LVRN: variants seen among roughly 807,000 people sequenced by gnomAD.
LVRN encodes laeverin, also known as aminopeptidase Q.
In LVRN, 99 loss-of-function variants were observed where a neutral mutation model predicts 111.4. The ratio of observed to expected loss-of-function variants is 0.89; its 90% CI spans 0.76 to 1.05. The LOEUF is 1.05. Among genes scored for constraint, LVRN ranks in the 50% least tolerant of loss-of-function variants. The probability of loss-of-function intolerance (pLI) is 0.00; values close to 1 mark genes in which losing one functional copy is unlikely to be tolerated. For missense variants in LVRN, 1,414 were observed against 1,206.8 expected, an observed-to-expected ratio of 1.17 and a Z score of -2.54; for synonymous variants, 488 against 449.5, an observed-to-expected ratio of 1.09 and a Z score of -1.08.
chr5:115,987,408 A>T (rs1747891512), intron 3 of LVRN, among the ~76,000 whole-genome samples: 1 of 152,206 alleles, frequency 6.6e-6, no homozygotes, highest in Admixed American at 6.5e-5. Flanking sequence ...TATGTACCAT[A>T]CTATATAACC....
At chr5:115,997,775 GA>G (rs1748148298) in intron 6 of LVRN, among the ~76,000 whole-genome samples, 1 of 152,094 alleles carries the variant, frequency 6.6e-6, no homozygotes, top group African/African-American at 2.4e-5. Context: ...GCAGTAGCTA[GA>G]TAGTTTTTTT....
chr5:115,999,986 T>C lies in LVRN; in HGVS notation c.1515+84T>C, dbSNP rs1408294210. On this transcript the variant is annotated intron_variant, in intron 7 of 19. Transcript: ENST00000357872. ...GGATTCTAAGGGTCCTATATCATCA[T>C]ACAACTTAAAACATTTTATGAAAAT... 6.4e-6 allele frequency: 9 copies of C among 1,397,756 alleles called. No individual in the cohort carries two copies. In the Admixed American group the frequency reaches 1.6e-4, roughly 25 times the overall value. 86.6% of individuals were successfully genotyped at this position (1,397,756 alleles called of 1,614,324 possible). A position where few individuals can be genotyped will look rare whatever the true frequency, so the allele number is the denominator to read the frequency against.
At chr5:116,010,091 G>C (rs184378375) in intron 13 of LVRN, among the ~76,000 whole-genome samples, 1 of 152,184 alleles carries the variant, frequency 6.6e-6, no homozygotes, top group Non-Finnish European at 1.5e-5. Context: ...CCACCACCCT[G>C]ATCAGTTAGC....
At chr5:116,006,055 TTAGTC>T in intron 13 of LVRN, 88 bp downstream of exon 13, 1 of 1,133,624 alleles carries the variant, frequency 8.8e-7, no homozygotes, top group Non-Finnish European at 1.3e-6. Context: ...ATTTGATTAT[TTAGTC>T]TATACAGGCC....
Position 116,026,351 on chromosome 5 carries a change from G to A in LVRN, c.*233G>A. On this transcript the variant is annotated 3_prime_UTR_variant, in exon 20 of 20. Coordinates refer to ENST00000357872, the MANE Select transcript of LVRN (RefSeq NM_173800.5). ...TCTGGGAAAGATGTCACTTCATGTT[G>A]GGTTATAATCCCACAGAATTTACTT... is the stretch of plus-strand genomic sequence containing the variant. 1 of 526,860 alleles carries A rather than the reference G, an allele frequency of 1.9e-6. No homozygotes were observed. Among genetic ancestry groups the A allele is most frequent in the Non-Finnish European group, 3.3e-6 (1 of 299,140 alleles). 32.6% of individuals were successfully genotyped at this position (526,860 alleles called of 1,614,324 possible). A position where few individuals can be genotyped will look rare whatever the true frequency, so the allele number is the denominator to read the frequency against.
At chr5:115,970,364 G>A (rs1406279307) in intron 1 of LVRN, among the ~76,000 whole-genome samples, 1 of 150,190 alleles carries the variant, frequency 6.7e-6, no homozygotes, top group Non-Finnish European at 1.5e-5. Context: ...TCGTTCAGTA[G>A]AATTACTTTG....
chr5:115,962,818 G>T lies in LVRN; in HGVS notation c.201G>T (p.Thr67=), dbSNP rs1316890359. The T allele has an allele frequency of 6.2e-7, 1 of 1,611,914 alleles. No individual in the cohort carries two copies. Among genetic ancestry groups the T allele is most frequent in the Non-Finnish European group, 8.5e-7 (1 of 1,179,146 alleles). The change falls in exon 1 of 20, where the codon ACG becomes ACT. Residue 67 remains threonine, a synonymous_variant. Transcript: ENST00000357872. ...CCCCTCCCCTCAGGCAGAAGCCGAC[G>T]CCAACCCCGAAACCCAGCAGTGCAC... ...ESSPPLRQKP[T]PTPKPSSARE...
intron 18 of LVRN, among the ~76,000 whole-genome samples, chr5:116,019,593 T>G (rs1748671282): frequency 2.6e-5 from 4 of 152,272 alleles, no homozygotes; most frequent in Admixed American, 2.6e-4. Flanking sequence ...TTGAATAATC[T>G]ACTTCTTATT....
At chr5:116,018,405 C>T (rs1748644016) in intron 18 of LVRN, among the ~76,000 whole-genome samples, 1 of 151,944 alleles carries the variant, frequency 6.6e-6, no homozygotes, top group African/African-American at 2.4e-5. Flanking sequence ...TCCGGTGGCT[C>T]ACGCCTGTAA....
chr5:116,020,513 AT>A (rs545745792), intron 18 of LVRN, among the ~76,000 whole-genome samples: 1 of 152,054 alleles, frequency 6.6e-6, no homozygotes, highest in African/African-American at 2.4e-5. Flanking sequence ...TAAGCACTTG[AT>A]TTTTTTTCTC....
At chr5:115,985,172 G>A (rs1005562380) in intron 3 of LVRN, among the ~76,000 whole-genome samples, 27 of 152,158 alleles carry the variant, frequency 1.8e-4, no homozygotes, top group African/African-American at 6.5e-4. Context: ...CAACTGCTAT[G>A]GCTGAAATGG....
At position 116,026,445 on chromosome 5, in the gene LVRN, A is replaced by G. The variant is rs1748869051; in HGVS notation, c.*327A>G. On this transcript the variant is annotated 3_prime_UTR_variant, in exon 20 of 20. Coordinates refer to ENST00000357872, the MANE Select transcript of LVRN (RefSeq NM_173800.5). ...ATTTTGTTGCGAAGGCCAGTGGAAT[A>G]TAAAAATCAATGGCATTAATGAGGA... 2.9e-6 allele frequency: 1 copy of G among 344,314 alleles called. No homozygotes were observed. Among genetic ancestry groups the G allele is most frequent in the South Asian group, 2.7e-5 (1 of 37,470 alleles). The allele number at this position is 344,314 out of a possible 1,614,324, so 21.3% of individuals were successfully genotyped here. A position where few individuals can be genotyped will look rare whatever the true frequency, so the allele number is the denominator to read the frequency against.
At chr5:115,973,396 T>A (rs1753369163) in intron 1 of LVRN, among the ~76,000 whole-genome samples, 1 of 152,264 alleles carries the variant, frequency 6.6e-6, no homozygotes, top group Admixed American at 6.5e-5. Context: ...CCAATTTTGA[T>A]GTCAAAGTAA....
rs186135267 is a variant in LVRN at position 115,970,835 on chromosome 5, T to G, written c.695+7523T>G. ...TGTTTACAAATAAAGCTTCCAGGAA[T>G]ACTCATATACAAGTCTTTTTATCAA... is the stretch of plus-strand genomic sequence containing the variant. On this transcript the variant is annotated intron_variant, in intron 1 of 19. Coordinates refer to ENST00000357872, the MANE Select transcript of LVRN (RefSeq NM_173800.5). Among the ~76,000 whole-genome samples the G allele has an allele frequency of 4.8e-3, 737 of 152,368 alleles. 5 individuals are homozygous for G. The highest frequency in any genetic ancestry group is 6.8e-3 in the Middle Eastern group (2 of 292).
Position 116,012,223 on chromosome 5 carries a change from A to G in LVRN, c.2248-151A>G, listed in dbSNP as rs115331204. 1,766 of 531,238 alleles carry G rather than the reference A, an allele frequency of 3.3e-3. 25 individuals are homozygous for G. The highest frequency in any genetic ancestry group is 0.031 in the African/African-American group (1,540 of 49,632). The allele number at this position is 531,238 out of a possible 1,614,324, so 32.9% of individuals were successfully genotyped here. On this transcript the variant is annotated intron_variant, in intron 14 of 19. Transcript: ENST00000357872. The stretch of plus-strand genomic sequence containing the variant: ...ACCGAAAGAGGTTAAAAAATAAACC[A>G]GTTATATATTTAGTAACAGATAAAG...
intron 1 of LVRN, among the ~76,000 whole-genome samples, chr5:115,983,069 T>C (rs1747748359): frequency 6.6e-6 from 1 of 152,166 alleles, no homozygotes; most frequent in Non-Finnish European, 1.5e-5. Context: ...TTTTGTGGTT[T>C]AAAAGTAAAG....
At position 116,005,934 on chromosome 5, in the gene LVRN, T is replaced by G. The variant is rs1357044996; in HGVS notation, c.2060T>G (p.Leu687Arg). 1 of 1,597,850 alleles carries G rather than the reference T, an allele frequency of 6.3e-7. No homozygotes were observed. Among genetic ancestry groups the G allele is most frequent in the East Asian group, 2.2e-5 (1 of 44,736 alleles). ...DPKAIPVIHRLQLIDDAFSLS... is the reference protein window; with the variant it reads ...DPKAIPVIHRRQLIDDAFSLS... The stretch of plus-strand genomic sequence containing the variant: ...CAGGCGATTCCTGTTATTCACAGAC[T>G]GCAGTTGATTGATGATGCCTTTTCC... The change falls in exon 13 of 20, where the codon CTG becomes CGG. Residue 687 changes from leucine to arginine, a missense_variant. Coordinates refer to ENST00000357872, the MANE Select transcript of LVRN (RefSeq NM_173800.5).
intron 1 of LVRN, among the ~76,000 whole-genome samples, chr5:115,982,448 T>C (rs965510705): frequency 6.6e-6 from 1 of 152,182 alleles, no homozygotes; most frequent in Admixed American, 6.5e-5. Context: ...GCATCCACAG[T>C]TGTCATCTAA....
intron 10 of LVRN, among the ~76,000 whole-genome samples, chr5:116,001,554 A>G (rs1748240750): frequency 1.3e-5 from 2 of 152,176 alleles, no homozygotes; most frequent in African/African-American, 4.8e-5. Context: ...GAGGGGCAGT[A>G]AGACAGAGCC....
Sources: gnomAD v4.1 joint callset for allele counts (sites outside exome capture counted in the v4.1 genomes callset) on GRCh38, gnomAD v4.1.1 for gene constraint, MANE v1.5 for transcripts, NCBI Gene and HGNC (gene_info 2026-07-23, HGNC 2026-07-21) for gene names.